NRP1: variants seen among roughly 807,000 people sequenced by gnomAD.
NRP1 encodes neuropilin-1.
In NRP1, 35 loss-of-function variants were observed where a neutral mutation model predicts 106.7. That is an observed-to-expected ratio of 0.33 (90% CI 0.25 to 0.43). NRP1 has a LOEUF of 0.43. Ranked by LOEUF, NRP1 falls within the 20% of genes least tolerant of loss-of-function variation. The pLI, the probability that NRP1 is intolerant of heterozygous loss-of-function variation, is 1.00. For synonymous variants in NRP1, 437 were observed against 417.9 expected (o/e 1.05, Z -0.56); for missense variants, 1,024 against 1,170.4 (o/e 0.87, Z 1.83).
rs1839605140 is a variant in NRP1 at position 33,225,687 on chromosome 10, C to T, written c.1137+447G>A. 2.6e-5 allele frequency among the ~76,000 whole-genome samples: 4 copies of T among 152,264 alleles called. No individual in the cohort carries two copies. The South Asian group carries it at 8.3e-4, about 32-fold the overall frequency. On this transcript the variant is annotated intron_variant, in intron 7 of 16. Coordinates refer to ENST00000374867, the MANE Select transcript of NRP1 (RefSeq NM_003873.7). Reference sequence around the variant, plus strand: ...CGTTCTTACAAGAAGCAGTCAAATGCACTTGTAAATTAGTTTGTGAGCCAC... The same window carrying T: ...CGTTCTTACAAGAAGCAGTCAAATGTACTTGTAAATTAGTTTGTGAGCCAC...
chr10:33,317,516 C>A (rs917519118), intron 2 of NRP1, among the ~76,000 whole-genome samples: 8 of 152,202 alleles, frequency 5.3e-5, no homozygotes, highest in African/African-American at 1.9e-4. Flanking sequence ...AAATCCATAT[C>A]ATTTTCTCTT....
intron 13 of NRP1, among the ~76,000 whole-genome samples, chr10:33,188,914 T>A (rs987505054): frequency 2.9e-5 from 4 of 138,372 alleles, no homozygotes; most frequent in Non-Finnish European, 4.6e-5. Context: ...GTCTTAAATA[T>A]ATATATATAT....
intron 2 of NRP1, among the ~76,000 whole-genome samples, chr10:33,323,833 T>C (rs10827234): frequency 0.16 from 24,849 of 152,164 alleles, 2,312 homozygotes; most frequent in East Asian, 0.28. Flanking sequence ...TGCGCTTCTG[T>C]GGAGCCATGT....
chr10:33,217,334 G>C (rs533839621), intron 8 of NRP1, among the ~76,000 whole-genome samples: 1 of 151,364 alleles, frequency 6.6e-6, no homozygotes, highest in Non-Finnish European at 1.5e-5. Context: ...ACATATCCAT[G>C]GTGCAAAGTG....
chr10:33,289,963 T>C (rs1276793918), intron 2 of NRP1, among the ~76,000 whole-genome samples: 2 of 152,216 alleles, frequency 1.3e-5, no homozygotes, highest in Non-Finnish European at 2.9e-5. Flanking sequence ...TAAATGCTTT[T>C]CACCCCCACT....
At chr10:33,244,568 C>T (rs1841275478) in intron 6 of NRP1, among the ~76,000 whole-genome samples, 1 of 152,162 alleles carries the variant, frequency 6.6e-6, no homozygotes, top group Non-Finnish European at 1.5e-5. Flanking sequence ...ACTTTGCCTC[C>T]TTATTGGTCC....
intron 2 of NRP1, among the ~76,000 whole-genome samples, chr10:33,301,199 G>A (rs1442307123): frequency 6.6e-6 from 1 of 152,186 alleles, no homozygotes. Flanking sequence ...TTTGGTGCAT[G>A]GGGAGAACTG....
intron 8 of NRP1, among the ~76,000 whole-genome samples, chr10:33,214,899 C>T (rs1280416990): frequency 6.6e-6 from 1 of 152,108 alleles, no homozygotes; most frequent in Non-Finnish European, 1.5e-5. Context: ...GTGATGCTTG[C>T]ACAGCAATGT....
chr10:33,207,761 A>G (rs1837919144), intron 9 of NRP1, 45 bp from the exon 10 acceptor site: 1 of 1,583,342 alleles, frequency 6.3e-7, no homozygotes, highest in East Asian at 2.2e-5. Context: ...AAAAAAAAAC[A>G]GAGCTCCCTT....
At chr10:33,283,747 T>A (rs1844310559) in intron 2 of NRP1, among the ~76,000 whole-genome samples, 1 of 152,184 alleles carries the variant, frequency 6.6e-6, no homozygotes, top group South Asian at 2.1e-4. Context: ...GGTAACCTCA[T>A]GATTTATATG....
At chr10:33,243,897 G>GGAAGGA (rs1841215096) in intron 6 of NRP1, among the ~76,000 whole-genome samples, 1 of 151,438 alleles carries the variant, frequency 6.6e-6, no homozygotes, top group Admixed American at 6.6e-5. Flanking sequence ...AGGGAGGGAG[G>GGAAGGA]GAAGGAGAAG....
rs1297234663 is a variant in NRP1, at chr10:33,177,794, A to G, written c.*2282T>C. ...AACATTTTACTACAGAAAGTTTTATAGATTTCCATAAAGAAAAAATATGTT... is the reference window on the plus strand; with the variant it reads ...AACATTTTACTACAGAAAGTTTTATGGATTTCCATAAAGAAAAAATATGTT... On this transcript the variant is annotated 3_prime_UTR_variant, in exon 17 of 17. Coordinates refer to ENST00000374867, the MANE Select transcript of NRP1 (RefSeq NM_003873.7). The G allele has an allele frequency of 1.3e-5, 2 of 152,658 alleles. No homozygotes were observed. The highest frequency in any genetic ancestry group is 4.8e-5 in the African/African-American group (2 of 41,464). 9.5% of individuals were successfully genotyped at this position (152,658 alleles called of 1,614,324 possible).
intron 2 of NRP1, among the ~76,000 whole-genome samples, chr10:33,291,090 C>T (rs547935145): frequency 1.9e-4 from 29 of 152,224 alleles, no homozygotes; most frequent in African/African-American, 6.5e-4. Context: ...TAAATAGTCA[C>T]GCCGTAGGTG....
chr10:33,253,948 G>C, intron 6 of NRP1, 80 bp downstream of exon 6: 1 of 1,355,964 alleles, frequency 7.4e-7, no homozygotes, highest in Non-Finnish European at 1.0e-6. Flanking sequence ...ATTTGGCACA[G>C]TACCACTTTC....
At chr10:33,254,224 C>G (rs1183290894) in intron 5 of NRP1, 30 bp from the exon 6 acceptor site, 1 of 1,572,656 alleles carries the variant, frequency 6.4e-7, no homozygotes, top group South Asian at 1.2e-5. Flanking sequence ...CCACAGTCAT[C>G]AAAATATAGG....
rs1159246577 is a variant in NRP1 at position 33,199,613 on chromosome 10, T to A, written c.1865-1904A>T. 3.3e-5 allele frequency among the ~76,000 whole-genome samples: 5 copies of A among 151,598 alleles called. No individual in the cohort carries two copies. The East Asian group carries it at 9.7e-4, about 29-fold the overall frequency. On this transcript the variant is annotated intron_variant, in intron 11 of 16. Transcript: ENST00000374867. ...CTGAGTTTGGGAAACAGTGGTTTGC[T>A]GTTATTACGTAGGTGGTTGAGAAAG...
At chr10:33,273,601 T>C (rs1477565122) in intron 2 of NRP1, among the ~76,000 whole-genome samples, 2 of 152,140 alleles carry the variant, frequency 1.3e-5, no homozygotes, top group Non-Finnish European at 2.9e-5. Flanking sequence ...AAACACGGCA[T>C]TGCTCGGGAT....
rs148435065 is a variant in NRP1 at position 33,182,833 on chromosome 10, G to GCACACACACACACACACA, written c.2432-103_2432-86dup. The GCACACACACACACACACA allele has an allele frequency of 5.6e-4, 416 of 747,412 alleles. 2 individuals are homozygous for GCACACACACACACACACA. In the African/African-American group the frequency reaches 6.8e-3, roughly 12 times the overall value. 46.3% of individuals were successfully genotyped at this position (747,412 alleles called of 1,614,324 possible). A position where few individuals can be genotyped will look rare whatever the true frequency, so the allele number is the denominator to read the frequency against. ...AAACTACACAAACCTTTAGGTACAT[G>GCACACACACACACACACA]CACACACACACACACACACACACAC... On this transcript the variant is annotated intron_variant, in intron 15 of 16. Transcript: ENST00000374867.
At chr10:33,257,291 T>C (rs945279658) in intron 4 of NRP1, among the ~76,000 whole-genome samples, 7 of 152,164 alleles carry the variant, frequency 4.6e-5, no homozygotes, top group Non-Finnish European at 8.8e-5. Flanking sequence ...GGAAAAAAAG[T>C]GGACTTGAGG....
Sources: gnomAD v4.1 joint callset for allele counts (sites outside exome capture counted in the v4.1 genomes callset) on GRCh38, gnomAD v4.1.1 for gene constraint, MANE v1.5 for transcripts, NCBI Gene and HGNC (gene_info 2026-07-23, HGNC 2026-07-21) for gene names.